ZNF569: variants seen among roughly 807,000 people sequenced by gnomAD.
The protein encoded by ZNF569 is zinc finger protein 569.
Under a neutral mutation model 56.3 loss-of-function variants are expected in ZNF569, and 38 were observed. That is an observed-to-expected ratio of 0.68 (90% CI 0.52 to 0.88). The LOEUF (loss-of-function observed/expected upper bound fraction) is 0.88. Among genes scored for constraint, ZNF569 ranks in the 40% least tolerant of loss-of-function variants. ZNF569 has a pLI of 0.00. For synonymous variants in ZNF569, 241 were observed against 262.9 expected (o/e 0.92, Z 0.81); for missense variants, 666 against 809.2 (o/e 0.82, Z 2.15).
rs200713643 is a variant in ZNF569 at position 37,438,937 on chromosome 19, GA to G, written c.15+5969del. The stretch of plus-strand genomic sequence containing the variant: ...TCTAATAACTTGATTTAAAAAGGGG[GA>G]AAGATCTGAAGACATTTCTCAAAGG... On this transcript the variant is annotated intron_variant, in intron 3 of 5. Coordinates refer to ENST00000316950, the MANE Select transcript of ZNF569 (RefSeq NM_152484.3). 4.1e-3 allele frequency among the ~76,000 whole-genome samples: 625 copies of G among 152,188 alleles called. 7 individuals carry two copies. The highest frequency in any genetic ancestry group is 0.014 in the African/African-American group (586 of 41,514).
chr19:37,414,499 A>G, intron 5 of ZNF569, 80 bp from the exon 6 acceptor site: 1 of 1,491,020 alleles, frequency 6.7e-7, no homozygotes, highest in Middle Eastern at 2.5e-4. Flanking sequence ...AAAAATATGC[A>G]ATTATGGGAC....
rs902292388 is a variant in ZNF569 at position 37,411,229 on chromosome 19, C to T, written c.*1368G>A. ...ACTCCCACCAAACCTTTCCCACATCCCAAAAGGCAACCAAGTCATATATGG... is the reference window on the plus strand; with the variant it reads ...ACTCCCACCAAACCTTTCCCACATCTCAAAAGGCAACCAAGTCATATATGG... On this transcript the variant is annotated 3_prime_UTR_variant, in exon 6 of 6. Coordinates refer to ENST00000316950, the MANE Select transcript of ZNF569 (RefSeq NM_152484.3). The T allele has an allele frequency of 1.3e-5, 2 of 152,126 alleles. No homozygotes were observed. The highest frequency in any genetic ancestry group is 2.9e-5 in the Non-Finnish European group (2 of 67,990). The allele number at this position is 152,126 out of a possible 1,614,324, so 9.4% of individuals were successfully genotyped here.
chr19:37,430,642 G>T (rs974107555), intron 3 of ZNF569, among the ~76,000 whole-genome samples: 1 of 149,630 alleles, frequency 6.7e-6, no homozygotes, highest in Non-Finnish European at 1.5e-5. Flanking sequence ...AGCCTCCACC[G>T]ATCATACTCC....
At chr19:37,433,175 C>T (rs2041253771) in intron 3 of ZNF569, among the ~76,000 whole-genome samples, 2 of 151,968 alleles carry the variant, frequency 1.3e-5, no homozygotes, top group Non-Finnish European at 2.9e-5. Context: ...CTTTGGCCTC[C>T]CAAAATGCTA....
At chr19:37,461,121 G>T (rs1355109002) in intron 2 of ZNF569, among the ~76,000 whole-genome samples, 2 of 152,106 alleles carry the variant, frequency 1.3e-5, no homozygotes, top group East Asian at 3.9e-4. Context: ...GGTGAACAAA[G>T]AGTTGACGAG....
intron 5 of ZNF569, among the ~76,000 whole-genome samples, chr19:37,416,258 C>CAAAAAAAAAAAA (rs1255894148): frequency 7.8e-6 from 1 of 129,004 alleles, no homozygotes. Flanking sequence ...AACAAAAAAA[C>CAAAAAAAAAAAA]AAAAAAACAA....
chr19:37,411,977 G>A lies in ZNF569; in HGVS notation c.*620C>T, dbSNP rs550160331. The A allele has an allele frequency of 2.0e-5, 3 of 152,056 alleles. No individual in the cohort carries two copies. The highest frequency in any genetic ancestry group is 7.2e-5 in the African/African-American group (3 of 41,430). 9.4% of individuals were successfully genotyped at this position (152,056 alleles called of 1,614,324 possible). A position where few individuals can be genotyped will look rare whatever the true frequency, so the allele number is the denominator to read the frequency against. On this transcript the variant is annotated 3_prime_UTR_variant, in exon 6 of 6. Coordinates refer to ENST00000316950, the MANE Select transcript of ZNF569 (RefSeq NM_152484.3). Reference sequence around the variant, plus strand: ...TTTGTCAAGTTTGTTTCAGCTATTTGTGTTTCTTTACTTTTCCACATAAAA... The same window carrying A: ...TTTGTCAAGTTTGTTTCAGCTATTTATGTTTCTTTACTTTTCCACATAAAA...
intron 1 of ZNF569, among the ~76,000 whole-genome samples, chr19:37,466,435 G>T (rs746336368): frequency 6.6e-6 from 1 of 152,112 alleles, no homozygotes; most frequent in African/African-American, 2.4e-5. Flanking sequence ...TTCGAGACCA[G>T]CCTGACCCAC....
At chr19:37,428,838 C>T (rs891858712) in intron 3 of ZNF569, among the ~76,000 whole-genome samples, 4 of 151,988 alleles carry the variant, frequency 2.6e-5, no homozygotes, top group African/African-American at 7.2e-5. Flanking sequence ...CCACACCCAG[C>T]TAATTTTTGT....
chr19:37,467,484 C>T, upstream of ZNF569: 1 of 149,540 alleles, frequency 6.7e-6, no homozygotes. Flanking sequence ...GGCCCTACTT[C>T]CCCGACCCCA....
At chr19:37,435,062 T>C (rs1600315455) in intron 3 of ZNF569, among the ~76,000 whole-genome samples, 2 of 151,874 alleles carry the variant, frequency 1.3e-5, no homozygotes, top group African/African-American at 2.4e-5. Flanking sequence ...GAGGCGGAGG[T>C]TGCAGTGAGC....
chr19:37,443,101 C>T (rs1320531211), intron 3 of ZNF569, among the ~76,000 whole-genome samples: 2 of 152,202 alleles, frequency 1.3e-5, no homozygotes, highest in African/African-American at 4.8e-5. Context: ...CGCCTGTAAT[C>T]CCAGCCTTTG....
intron 3 of ZNF569, among the ~76,000 whole-genome samples, chr19:37,444,190 C>G (rs978001441): frequency 5.3e-5 from 8 of 152,176 alleles, no homozygotes; most frequent in African/African-American, 1.9e-4. Context: ...CTCCAGATTT[C>G]TTCATGCTGT....
In ZNF569 at chr19:37,411,628, C is replaced by T. The variant is rs560427594; in HGVS notation, c.*969G>A. On this transcript the variant is annotated 3_prime_UTR_variant, in exon 6 of 6. Coordinates refer to ENST00000316950, the MANE Select transcript of ZNF569 (RefSeq NM_152484.3). ...AAGAAATCTTGTTACCCTAAAGTAA[C>T]GGATTCTACTTTCATCATAGTTTTA... is the stretch of plus-strand genomic sequence containing the variant. 3.9e-5 allele frequency: 6 copies of T among 152,188 alleles called. No individual in the cohort carries two copies. Among genetic ancestry groups the T allele is most frequent in the Admixed American group, 2.0e-4 (3 of 15,286 alleles). The allele number at this position is 152,188 out of a possible 1,614,324, so 9.4% of individuals were successfully genotyped here. A position where few individuals can be genotyped will look rare whatever the true frequency, so the allele number is the denominator to read the frequency against.
intron 3 of ZNF569, among the ~76,000 whole-genome samples, chr19:37,441,248 AAGC>A (rs1249432751): frequency 4.6e-5 from 7 of 152,178 alleles, no homozygotes; most frequent in Non-Finnish European, 1.0e-4. Flanking sequence ...AATGCAAGAG[AAGC>A]AGTGAGTTAA....
At chr19:37,426,902 G>A (rs1462345999) in intron 3 of ZNF569, among the ~76,000 whole-genome samples, 1 of 152,230 alleles carries the variant, frequency 6.6e-6, no homozygotes, top group Non-Finnish European at 1.5e-5. Context: ...TAGTTTACAT[G>A]TACTGGAAAA....
intron 2 of ZNF569, among the ~76,000 whole-genome samples, chr19:37,452,524 T>C (rs1298060597): frequency 6.6e-6 from 1 of 150,656 alleles, no homozygotes. Flanking sequence ...CTTTCTCTCA[T>C]CATCATTTTT....
At chr19:37,459,806 C>T (rs1239345887) in intron 2 of ZNF569, among the ~76,000 whole-genome samples, 5 of 152,050 alleles carry the variant, frequency 3.3e-5, no homozygotes, top group Admixed American at 2.0e-4. Context: ...GACATAACAA[C>T]GGAGAAGAAG....
chr19:37,444,783 C>G (rs2041465698), intron 3 of ZNF569, 124 bp downstream of exon 3: 2 of 704,402 alleles, frequency 2.8e-6, no homozygotes, highest in Non-Finnish European at 4.5e-6. Context: ...TCGTTCAACT[C>G]TATTTCCCCT....
Sources: allele counts gnomAD v4.1 joint callset (sites outside exome capture counted in the v4.1 genomes callset), GRCh38; gene constraint gnomAD v4.1.1; transcripts MANE v1.5; gene names NCBI Gene and HGNC (gene_info 2026-07-23, HGNC 2026-07-21).